Variants in BANK1 observed in about 807,000 individuals in gnomAD.
BANK1 encodes the protein B-cell scaffold protein with ankyrin repeats.
A neutral mutation model predicts 94.5 loss-of-function variants in BANK1; 95 were observed. The observed-to-expected ratio is 1.00, with a 90% CI of 0.85 to 1.19. BANK1 has a LOEUF of 1.19. Among genes scored for constraint, BANK1 ranks in the 50% most tolerant of loss-of-function variants. The pLI is 0.00. For synonymous variants in BANK1, 334 were observed against 308.4 expected, an observed-to-expected ratio of 1.08 and a Z score of -0.87; for missense variants, 987 against 932.2, an observed-to-expected ratio of 1.06 and a Z score of -0.77.
rs922534855 is a variant in BANK1, at chr4:101,897,702, A to G, written c.1009+2292A>G. 5.9e-5 allele frequency among the ~76,000 whole-genome samples: 9 copies of G among 152,010 alleles called. No individual in the cohort carries two copies. The East Asian group carries it at 1.7e-3, about 29-fold the overall frequency. On this transcript the variant is annotated intron_variant, in intron 6 of 16. Coordinates refer to ENST00000322953, the MANE Select transcript of BANK1 (RefSeq NM_017935.5). Reference sequence around the variant, plus strand: ...TAGCTTTTAAAACATCCTATGTCCAAGCCATACCCTATACCAATTTATTAA... The same window carrying G: ...TAGCTTTTAAAACATCCTATGTCCAGGCCATACCCTATACCAATTTATTAA...
intron 11 of BANK1, among the ~76,000 whole-genome samples, chr4:102,049,065 A>G (rs1006357053): frequency 6.6e-6 from 1 of 152,202 alleles, no homozygotes; most frequent in African/African-American, 2.4e-5. Context: ...TTTGGAATTG[A>G]TCAGGATTTT....
At chr4:101,915,562 A>T (rs990901966) in intron 6 of BANK1, among the ~76,000 whole-genome samples, 2 of 152,132 alleles carry the variant, frequency 1.3e-5, no homozygotes, top group Non-Finnish European at 2.9e-5. Flanking sequence ...TACCAAGTAG[A>T]TGTAAATTCT....
intron 7 of BANK1, among the ~76,000 whole-genome samples, chr4:101,980,796 T>C (rs1397897756): frequency 6.6e-6 from 1 of 152,066 alleles, no homozygotes; most frequent in Non-Finnish European, 1.5e-5. Flanking sequence ...TTCTTCTCTT[T>C]CTTTGAGCAT....
At chr4:102,062,963 G>A (rs1728470263) in intron 12 of BANK1, 112 bp from the exon 13 acceptor site, 2 of 762,152 alleles carry the variant, frequency 2.6e-6, no homozygotes, top group Non-Finnish European at 2.2e-6. Flanking sequence ...ATCATAAGTA[G>A]CAAATTAATA....
chr4:101,955,211 TA>T (rs1724297472), intron 7 of BANK1, among the ~76,000 whole-genome samples: 1 of 152,128 alleles, frequency 6.6e-6, no homozygotes, highest in African/African-American at 2.4e-5. Flanking sequence ...AAATCATTAC[TA>T]AAAGAGATGA....
chr4:101,988,233 A>G (rs1725582034), intron 7 of BANK1, among the ~76,000 whole-genome samples: 1 of 152,206 alleles, frequency 6.6e-6, no homozygotes, highest in Non-Finnish European at 1.5e-5. Flanking sequence ...TGTTTGACTC[A>G]AATTTTATGC....
intron 7 of BANK1, among the ~76,000 whole-genome samples, chr4:101,944,062 G>GAGAC (rs997629296): frequency 6.6e-6 from 1 of 151,482 alleles, no homozygotes; most frequent in South Asian, 2.1e-4. Flanking sequence ...GAGAGAGAGA[G>GAGAC]AGACAGACAG....
At chr4:101,906,817 C>T (rs1722467367) in intron 6 of BANK1, among the ~76,000 whole-genome samples, 1 of 152,110 alleles carries the variant, frequency 6.6e-6, no homozygotes, top group African/African-American at 2.4e-5. Context: ...CTCTGAGACC[C>T]ATCAACTTGG....
chr4:101,833,446 A>G (rs544307026), intron 2 of BANK1, among the ~76,000 whole-genome samples: 59 of 152,290 alleles, frequency 3.9e-4, no homozygotes, highest in Non-Finnish European at 8.2e-4. Context: ...TTTCTGTAAT[A>G]TGATTTTTCT....
intron 12 of BANK1, 38 bp from the exon 13 acceptor site, chr4:102,063,037 G>GA (rs1393183742): frequency 6.4e-7 from 1 of 1,565,650 alleles, no homozygotes; most frequent in African/African-American, 1.4e-5. Flanking sequence ...ATAAAAATTT[G>GA]AAAATCATAA....
At chr4:101,821,947 G>A (rs149159405) in intron 1 of BANK1, among the ~76,000 whole-genome samples, 329 of 152,292 alleles carry the variant, frequency 2.2e-3, no homozygotes, top group African/African-American at 7.5e-3. Context: ...AGGCATGGGA[G>A]CCTAGGTGAT....
At chr4:101,964,397 T>G (rs1284859969) in intron 7 of BANK1, among the ~76,000 whole-genome samples, 1 of 152,082 alleles carries the variant, frequency 6.6e-6, no homozygotes, top group African/African-American at 2.4e-5. Context: ...AACAGAATTC[T>G]GAAAAAAACC....
chr4:101,837,105 C>T (rs1335612463), intron 2 of BANK1, among the ~76,000 whole-genome samples: 1 of 152,160 alleles, frequency 6.6e-6, no homozygotes, highest in African/African-American at 2.4e-5. Context: ...CAGGCAAGGC[C>T]TCTCATAATC....
intron 13 of BANK1, among the ~76,000 whole-genome samples, chr4:102,070,439 A>C (rs1728721999): frequency 6.6e-6 from 1 of 152,078 alleles, no homozygotes; most frequent in Non-Finnish European, 1.5e-5. Flanking sequence ...CCACCATTTT[A>C]TCTCTTAATG....
intron 7 of BANK1, among the ~76,000 whole-genome samples, chr4:102,002,145 C>T (rs188532337): frequency 6.6e-6 from 1 of 152,304 alleles, no homozygotes; most frequent in East Asian, 1.9e-4. Flanking sequence ...ACGACTGCTC[C>T]TCCTATATGT....
chr4:101,950,981 C>T (rs1560649071), intron 7 of BANK1, among the ~76,000 whole-genome samples: 1 of 151,988 alleles, frequency 6.6e-6, no homozygotes, highest in African/African-American at 2.4e-5. Context: ...AAGAAACTGT[C>T]GCAGACAAGA....
chr4:102,073,550 C>A, intron 15 of BANK1, 134 bp from the exon 16 acceptor site: 1 of 684,470 alleles, frequency 1.5e-6, no homozygotes, highest in Non-Finnish European at 2.4e-6. Context: ...GGAAGATTGT[C>A]TTGCCAGTTT....
intron 11 of BANK1, among the ~76,000 whole-genome samples, chr4:102,049,041 C>A (rs546469713): frequency 6.6e-6 from 1 of 152,160 alleles, no homozygotes; most frequent in Non-Finnish European, 1.5e-5. Flanking sequence ...CAGAAAACTG[C>A]ATTTGCCAGT....
chr4:101,798,033 GA>G (rs1257126616), intron 1 of BANK1, among the ~76,000 whole-genome samples: 2 of 152,192 alleles, frequency 1.3e-5, no homozygotes, highest in African/African-American at 2.4e-5. Context: ...GATACAGTGA[GA>G]AGAATTCAAA....
Sources: allele counts gnomAD v4.1 joint callset (sites outside exome capture counted in the v4.1 genomes callset), GRCh38; gene constraint gnomAD v4.1.1; transcripts MANE v1.5; gene names NCBI Gene and HGNC (gene_info 2026-07-23, HGNC 2026-07-21).